The following LRRTM4 variants were observed in gnomAD, a reference collection of about 807,000 sequenced individuals.
LRRTM4 encodes the protein leucine-rich repeat transmembrane neuronal protein 4.
In LRRTM4, 25 loss-of-function variants were observed where a neutral mutation model predicts 47.6. The ratio of observed to expected loss-of-function variants is 0.53; its 90% CI spans 0.38 to 0.73. The LOEUF (loss-of-function observed/expected upper bound fraction) is 0.73, where lower values mean the gene tolerates loss of function less well. LRRTM4 is among the 30% of genes least tolerant of loss of function. The probability of loss-of-function intolerance (pLI) is 0.00; values close to 1 mark genes in which losing one functional copy is unlikely to be tolerated. For missense variants in LRRTM4, 638 were observed against 713.4 expected, an observed-to-expected ratio of 0.89 and a Z score of 1.20; for synonymous variants, 311 against 269.5, an observed-to-expected ratio of 1.15 and a Z score of -1.51.
At chr2:77,446,224 C>T (rs1676045367) in intron 3 of LRRTM4, among the ~76,000 whole-genome samples, 1 of 151,990 alleles carries the variant, frequency 6.6e-6, no homozygotes. Flanking sequence ...CATCTTGGCA[C>T]TACTGATATT....
intron 3 of LRRTM4, among the ~76,000 whole-genome samples, chr2:77,344,902 A>G (rs1043539057): frequency 6.6e-6 from 1 of 151,658 alleles, no homozygotes; most frequent in African/African-American, 2.4e-5. Context: ...TTATGTCCCA[A>G]TCCTTACCAG....
In LRRTM4 at chr2:77,521,709, TTTC is replaced by T. The variant is rs1400261783; in HGVS notation, c.-41_-39del. 3 of 1,611,864 alleles carry T rather than the reference TTTC, an allele frequency of 1.9e-6. No homozygotes were observed. Among genetic ancestry groups the T allele is most frequent in the Non-Finnish European group, 2.5e-6 (3 of 1,178,856 alleles). ...AAAAACGTTTCCCCCCTCTCTCAGC[TTTC>T]TTCTTATTTGGTCTCTTGTGCGGAA... On this transcript the variant is annotated 5_prime_UTR_variant, in exon 2 of 4. Coordinates refer to ENST00000409884, the MANE Select transcript of LRRTM4 (RefSeq NM_001134745.3).
At chr2:76,928,670 A>G (rs1431821824) in intron 3 of LRRTM4, among the ~76,000 whole-genome samples, 1 of 152,162 alleles carries the variant, frequency 6.6e-6, no homozygotes, top group African/African-American at 2.4e-5. Flanking sequence ...ATGAATAGGA[A>G]AATAAAACTG....
At chr2:76,991,299 G>A (rs1249458399) in intron 3 of LRRTM4, among the ~76,000 whole-genome samples, 3 of 151,522 alleles carry the variant, frequency 2.0e-5, no homozygotes, top group Admixed American at 6.6e-5. Flanking sequence ...TACAATGAGA[G>A]TGTAACTGAA....
In LRRTM4 at chr2:77,344,055, A is replaced by G. The variant is rs73941224; in HGVS notation, c.1551+174263T>C. On this transcript the variant is annotated intron_variant, in intron 3 of 3. Transcript: ENST00000409884. ...ATAGATCAATATTAAAAGCTGTGAAATTCTGGCCTCTGATTTGTGCTTATA... is the reference window on the plus strand; with the variant it reads ...ATAGATCAATATTAAAAGCTGTGAAGTTCTGGCCTCTGATTTGTGCTTATA... Among the ~76,000 whole-genome samples, 662 of 152,032 alleles carry G rather than the reference A, an allele frequency of 4.4e-3. 6 individuals carry two copies. The highest frequency in any genetic ancestry group is 0.015 in the African/African-American group (637 of 41,540).
At chr2:76,833,290 C>G (rs1671407897) in intron 3 of LRRTM4, among the ~76,000 whole-genome samples, 1 of 152,106 alleles carries the variant, frequency 6.6e-6, no homozygotes, top group African/African-American at 2.4e-5. Flanking sequence ...CCATCTATAT[C>G]CGTGCTGCAA....
At chr2:76,756,730 A>G (rs1056336234) in intron 3 of LRRTM4, among the ~76,000 whole-genome samples, 5 of 152,132 alleles carry the variant, frequency 3.3e-5, no homozygotes, top group Non-Finnish European at 7.4e-5. Context: ...AATATTTGAT[A>G]TACACAAAAA....
chr2:77,029,794 G>C (rs368770135), intron 3 of LRRTM4, among the ~76,000 whole-genome samples: 119 of 152,224 alleles, frequency 7.8e-4, no homozygotes, highest in African/African-American at 2.5e-3. Flanking sequence ...GATTTGTTTT[G>C]TAAAAAAGGA....
intron 3 of LRRTM4, among the ~76,000 whole-genome samples, chr2:77,262,742 T>G (rs1675952580): frequency 6.6e-6 from 1 of 151,996 alleles, no homozygotes; most frequent in Non-Finnish European, 1.5e-5. Context: ...GATTATGGGT[T>G]TTGGGCAGGG....
chr2:77,029,177 G>A (rs1678564675), intron 3 of LRRTM4, among the ~76,000 whole-genome samples: 1 of 151,220 alleles, frequency 6.6e-6, no homozygotes, highest in African/African-American at 2.4e-5. Context: ...AGTATTTAGA[G>A]GTTGTATTAG....
Position 76,856,891 on chromosome 2 carries a change from CCTCT to C in LRRTM4, c.1552-107979_1552-107976del, listed in dbSNP as rs761637431. 4.0e-5 allele frequency among the ~76,000 whole-genome samples: 6 copies of C among 151,816 alleles called. No individual in the cohort carries two copies. The East Asian group carries it at 1.2e-3, about 29-fold the overall frequency. On this transcript the variant is annotated intron_variant, in intron 3 of 3. Transcript: ENST00000409884. ...GTTTTCTTGCTTTTCTGTTTCCTCC[CCTCT>C]AAGTTTTCAAAAACAAACATGTATT...
chr2:76,771,190 T>C (rs1372882130), intron 3 of LRRTM4, among the ~76,000 whole-genome samples: 1 of 152,168 alleles, frequency 6.6e-6, no homozygotes, highest in Non-Finnish European at 1.5e-5. Flanking sequence ...GATTCCTCAC[T>C]TTCAATTCAA....
At chr2:77,220,616 T>C (rs531987656) in intron 3 of LRRTM4, among the ~76,000 whole-genome samples, 3 of 152,122 alleles carry the variant, frequency 2.0e-5, no homozygotes, top group South Asian at 2.1e-4. Context: ...TGATGGAAGA[T>C]GAAATGAATG....
intron 3 of LRRTM4, among the ~76,000 whole-genome samples, chr2:77,385,742 T>C (rs1451729604): frequency 2.8e-5 from 1 of 35,372 alleles, no homozygotes; most frequent in African/African-American, 1.2e-4. Flanking sequence ...TACATGGTAC[T>C]TTTTTTTTTT....
intron 3 of LRRTM4, among the ~76,000 whole-genome samples, chr2:77,489,331 A>T (rs1445688966): frequency 6.6e-6 from 1 of 152,174 alleles, no homozygotes; most frequent in Non-Finnish European, 1.5e-5. Context: ...CCAACCATTT[A>T]TTGGTCTTCC....
intron 3 of LRRTM4, among the ~76,000 whole-genome samples, chr2:77,395,315 G>A (rs1673660971): frequency 6.6e-6 from 1 of 151,810 alleles, no homozygotes; most frequent in South Asian, 2.1e-4. Context: ...GAAAGGCTTA[G>A]GATTTTAATT....
At chr2:76,893,712 A>C (rs1014603071) in intron 3 of LRRTM4, among the ~76,000 whole-genome samples, 1 of 151,740 alleles carries the variant, frequency 6.6e-6, no homozygotes, top group African/African-American at 2.4e-5. Context: ...CCAATAATAA[A>C]ATCTCAAGGT....
At chr2:76,807,330 CAGAT>C (rs1229057468) in intron 3 of LRRTM4, among the ~76,000 whole-genome samples, 2 of 148,280 alleles carry the variant, frequency 1.3e-5, no homozygotes, top group South Asian at 2.1e-4. Flanking sequence ...AGTGAAGAAA[CAGAT>C]AGTTGTAAGT....
chr2:77,233,893 G>C (rs955899743), intron 3 of LRRTM4, among the ~76,000 whole-genome samples: 1 of 152,100 alleles, frequency 6.6e-6, no homozygotes, highest in African/African-American at 2.4e-5. Context: ...CTGCCTCCAT[G>C]TTCAAGCGAG....
Sources: allele counts gnomAD v4.1 joint callset (sites outside exome capture counted in the v4.1 genomes callset), GRCh38; gene constraint gnomAD v4.1.1; transcripts MANE v1.5; gene names NCBI Gene and HGNC (gene_info 2026-07-23, HGNC 2026-07-21).